The following LYPD6 variants were observed in gnomAD, a reference collection of about 807,000 sequenced individuals.
LYPD6 encodes ly6/PLAUR domain-containing protein 6.
Under a neutral mutation model 22.7 loss-of-function variants are expected in LYPD6, and 15 were observed. The observed-to-expected ratio is 0.66, with a 90% CI of 0.44 to 1.02. The LOEUF is 1.02. LYPD6 is among the 50% of genes least tolerant of loss of function. LYPD6 has a pLI of 0.00. For synonymous variants in LYPD6, 72 were observed against 77.5 expected (o/e 0.93, Z 0.37); for missense variants, 189 against 208.4 (o/e 0.91, Z 0.57).
chr2:149,458,538 A>T (rs548744783), intron 3 of LYPD6, among the ~76,000 whole-genome samples: 15 of 152,084 alleles, frequency 9.9e-5, no homozygotes, highest in Non-Finnish European at 1.6e-4. Context: ...AGGCTTCAAT[A>T]AAAAAAACCA....
At chr2:149,340,451 A>G (rs1236313907) in intron 1 of LYPD6, among the ~76,000 whole-genome samples, 1 of 152,090 alleles carries the variant, frequency 6.6e-6, no homozygotes, top group African/African-American at 2.4e-5. Flanking sequence ...GATTATGTTA[A>G]TTTTCCATTG....
intron 1 of LYPD6, among the ~76,000 whole-genome samples, chr2:149,361,662 C>G (rs1174582940): frequency 6.6e-6 from 1 of 152,084 alleles, no homozygotes; most frequent in Non-Finnish European, 1.5e-5. Flanking sequence ...CTGTTTTATT[C>G]AATAGTTTAT....
Position 149,471,917 on chromosome 2 carries a change from A to G in LYPD6, c.*1067A>G, listed in dbSNP as rs1259479648. ...CTTTCGAATGATGGGGAAGCAAGGC[A>G]TAATATGCGATGATGAGGAGAAAGT... On this transcript the variant is annotated 3_prime_UTR_variant, in exon 5 of 5. Transcript: ENST00000334166. 1 of 152,756 alleles carries G rather than the reference A, an allele frequency of 6.5e-6. No individual in the cohort carries two copies. The highest frequency in any genetic ancestry group is 1.9e-4 in the East Asian group (1 of 5,176). The allele number at this position is 152,756 out of a possible 1,614,324, so 9.5% of individuals were successfully genotyped here. A position where few individuals can be genotyped will look rare whatever the true frequency, so the allele number is the denominator to read the frequency against.
intron 1 of LYPD6, among the ~76,000 whole-genome samples, chr2:149,359,966 C>T (rs1342545276): frequency 6.6e-6 from 1 of 152,132 alleles, no homozygotes; most frequent in Non-Finnish European, 1.5e-5. Context: ...GGCTGCTCAC[C>T]TGAGTATACT....
intron 3 of LYPD6, among the ~76,000 whole-genome samples, chr2:149,460,344 ATT>A (rs1681060953): frequency 3.5e-5 from 1 of 28,612 alleles, no homozygotes. Context: ...GTAGGGAAAC[ATT>A]AATCAAAAGA....
intron 1 of LYPD6, among the ~76,000 whole-genome samples, chr2:149,353,601 G>A (rs1681398304): frequency 6.6e-6 from 1 of 151,944 alleles, no homozygotes; most frequent in East Asian, 1.9e-4. Flanking sequence ...ACAGATGGTC[G>A]GTGTCATTTT....
intron 1 of LYPD6, among the ~76,000 whole-genome samples, chr2:149,427,541 G>A (rs1367109449): frequency 1.3e-5 from 2 of 152,178 alleles, no homozygotes; most frequent in African/African-American, 2.4e-5. Context: ...TCAGATTGAT[G>A]GAGAAAGCAA....
intron 1 of LYPD6, among the ~76,000 whole-genome samples, chr2:149,382,981 A>G (rs1682102210): frequency 6.6e-6 from 1 of 152,148 alleles, no homozygotes; most frequent in Admixed American, 6.5e-5. Flanking sequence ...TCAAATGTCA[A>G]TATCTGGTCT....
At chr2:149,385,155 C>T (rs1007479109) in intron 1 of LYPD6, among the ~76,000 whole-genome samples, 2 of 151,812 alleles carry the variant, frequency 1.3e-5, no homozygotes, top group African/African-American at 2.4e-5. Context: ...CTCCTTTGCC[C>T]TGAAGGAAAG....
intron 1 of LYPD6, among the ~76,000 whole-genome samples, chr2:149,345,531 A>G (rs1681239024): frequency 6.7e-6 from 1 of 150,020 alleles, no homozygotes; most frequent in South Asian, 2.1e-4. Context: ...TAGCCAGGAC[A>G]GTTTTGATCT....
intron 1 of LYPD6, among the ~76,000 whole-genome samples, chr2:149,406,393 C>A (rs1012634212): frequency 4.0e-5 from 6 of 151,448 alleles, no homozygotes; most frequent in Non-Finnish European, 5.9e-5. Context: ...TCACTCAGGA[C>A]TTGCTTTATG....
At chr2:149,372,387 A>G (rs34138128) in intron 1 of LYPD6, among the ~76,000 whole-genome samples, 73 of 152,174 alleles carry the variant, frequency 4.8e-4, no homozygotes, top group Non-Finnish European at 9.0e-4. Flanking sequence ...CTTTGACTAA[A>G]TTTCCCTAGC....
intron 1 of LYPD6, among the ~76,000 whole-genome samples, chr2:149,422,165 C>G (rs1211991302): frequency 6.6e-6 from 1 of 152,178 alleles, no homozygotes; most frequent in Non-Finnish European, 1.5e-5. Context: ...TGTTAGCTAG[C>G]AAGCATGTGC....
intron 3 of LYPD6, among the ~76,000 whole-genome samples, chr2:149,455,507 C>A (rs1680937645): frequency 6.6e-6 from 1 of 152,116 alleles, no homozygotes; most frequent in African/African-American, 2.4e-5. Flanking sequence ...ATCCACCCAC[C>A]TCGGCCTTCC....
At chr2:149,354,674 A>G (rs1465703748) in intron 1 of LYPD6, among the ~76,000 whole-genome samples, 1 of 152,166 alleles carries the variant, frequency 6.6e-6, no homozygotes, top group African/African-American at 2.4e-5. Context: ...GAGTCCATCA[A>G]CCACCTGCTC....
At chr2:149,436,111 G>A (rs1683425433) in intron 1 of LYPD6, among the ~76,000 whole-genome samples, 1 of 151,986 alleles carries the variant, frequency 6.6e-6, no homozygotes, top group South Asian at 2.1e-4. Flanking sequence ...ATTGTGTTTT[G>A]ATTAATTTTG....
intron 1 of LYPD6, among the ~76,000 whole-genome samples, chr2:149,426,134 T>G (rs116085548): frequency 6.6e-6 from 1 of 152,200 alleles, no homozygotes; most frequent in Non-Finnish European, 1.5e-5. Context: ...TGTTTGAATT[T>G]TTTTTCTTTT....
rs143749809 is a variant in LYPD6 at position 149,348,388 on chromosome 2, A to G, written c.-72+17666A>G. On this transcript the variant is annotated intron_variant, in intron 1 of 4. Coordinates refer to ENST00000334166, the MANE Select transcript of LYPD6 (RefSeq NM_194317.5). ...TAAAGCGAGGAAGGGGAGAGGAAGT[A>G]CAGGGGTGGGTGGGAGGCAGCTGGT... is the stretch of plus-strand genomic sequence containing the variant. Among the ~76,000 whole-genome samples, 273 of 152,292 alleles carry G rather than the reference A, an allele frequency of 1.8e-3. 3 individuals carry two copies. The highest frequency in any genetic ancestry group is 6.1e-3 in the African/African-American group (253 of 41,564).
chr2:149,391,536 C>T (rs985392494), intron 1 of LYPD6, among the ~76,000 whole-genome samples: 4 of 151,904 alleles, frequency 2.6e-5, no homozygotes, highest in Admixed American at 6.6e-5. Context: ...ACAAAAGGAG[C>T]TAAGATTGTA....
Sources: allele counts gnomAD v4.1 joint callset (sites outside exome capture counted in the v4.1 genomes callset), GRCh38; gene constraint gnomAD v4.1.1; transcripts MANE v1.5; gene names NCBI Gene and HGNC (gene_info 2026-07-23, HGNC 2026-07-21).